MEF2C: variants seen among roughly 807,000 people sequenced by gnomAD.
MEF2C encodes the protein myocyte enhancer factor 2C.
Under a neutral mutation model 50.5 loss-of-function variants are expected in MEF2C, and 6 were observed. That is an observed-to-expected ratio of 0.12 (90% CI 0.07 to 0.23). The LOEUF (loss-of-function observed/expected upper bound fraction) is 0.23, where lower values mean the gene tolerates loss of function less well. Ranked by LOEUF, MEF2C falls within the 10% of genes least tolerant of loss-of-function variation. The pLI is 1.00. For missense variants in MEF2C, 276 were observed against 605.0 expected, an observed-to-expected ratio of 0.46 and a Z score of 5.70; for synonymous variants, 183 against 228.0, an observed-to-expected ratio of 0.80 and a Z score of 1.78.
rs1800485565 is a variant in MEF2C at position 88,806,478 on chromosome 5, C to G, written c.55-1677G>C. On this transcript the variant is annotated intron_variant, in intron 2 of 10. Transcript: ENST00000504921. The stretch of plus-strand genomic sequence containing the variant: ...CCATCTCACCATAAACTCAGTCATC[C>G]AAACTAGAAACCTCAGAGAGAACTC... Among the ~76,000 whole-genome samples the G allele has an allele frequency of 1.3e-5, 2 of 152,074 alleles. 1 individual carries two copies. Among genetic ancestry groups the G allele is most frequent in the South Asian group, 4.1e-4 (2 of 4,826 alleles).
chr5:88,790,013 C>G (rs1792969171), intron 3 of MEF2C, among the ~76,000 whole-genome samples: 1 of 152,220 alleles, frequency 6.6e-6, no homozygotes, highest in Non-Finnish European at 1.5e-5. Flanking sequence ...AATCACATCA[C>G]ACTTCCTGAA....
intron 1 of MEF2C, among the ~76,000 whole-genome samples, chr5:88,859,290 G>A (rs182877263): frequency 4.2e-4 from 64 of 152,292 alleles, no homozygotes; most frequent in Non-Finnish European, 1.5e-4. Context: ...CGGTATTCCT[G>A]GGAACATAAT....
chr5:88,897,581 A>G (rs2150303264), intron 1 of MEF2C, among the ~76,000 whole-genome samples: 1 of 152,314 alleles, frequency 6.6e-6, no homozygotes, highest in East Asian at 1.9e-4. Context: ...ATTATTTAGC[A>G]TCTTAAACTT....
At chr5:88,785,059 T>C (rs1790158539) in intron 3 of MEF2C, among the ~76,000 whole-genome samples, 1 of 152,148 alleles carries the variant, frequency 6.6e-6, no homozygotes, top group African/African-American at 2.4e-5. Flanking sequence ...TTGATTCTTC[T>C]AGCAATGATT....
chr5:88,838,534 A>G, intron 1 of MEF2C: 2 of 983,388 alleles, frequency 2.0e-6, no homozygotes, highest in Non-Finnish European at 2.4e-6. Context: ...ATTTTCACTT[A>G]TGATGAAGTT....
At chr5:88,842,392 T>C (rs931608836) in intron 1 of MEF2C, among the ~76,000 whole-genome samples, 5 of 152,152 alleles carry the variant, frequency 3.3e-5, no homozygotes, top group Non-Finnish European at 2.9e-5. Context: ...ACTTTCATGT[T>C]TTCTGATATT....
Position 88,901,979 on chromosome 5 carries a change from T to C in MEF2C, c.-240+1937A>G, listed in dbSNP as rs567869550. Among the ~76,000 whole-genome samples, 12 of 151,894 alleles carry C rather than the reference T, an allele frequency of 7.9e-5. No individual in the cohort carries two copies. The South Asian group carries it at 2.5e-3, about 32-fold the overall frequency. ...CAATAGTTTGGCAGAAGCTTTTGGT[T>C]TGCTTATACTTAATGACAATGTAAT... On this transcript the variant is annotated intron_variant, in intron 1 of 11. Coordinates refer to the MEF2C transcript ENST00000340208.
At chr5:88,892,136 T>C (rs530539471) in intron 1 of MEF2C, 1 of 152,328 alleles carries the variant, frequency 6.6e-6, no homozygotes, top group Non-Finnish European at 1.5e-5. Context: ...TAAAATCCAG[T>C]ATCCTTAGAG....
intron 2 of MEF2C, among the ~76,000 whole-genome samples, chr5:88,821,250 T>A (rs1180201853): frequency 6.6e-6 from 1 of 151,842 alleles, no homozygotes; most frequent in Non-Finnish European, 1.5e-5. Flanking sequence ...AAGTGCGACA[T>A]TAAGATTCTT....
intron 1 of MEF2C, chr5:88,888,300 G>C (rs181448897): frequency 2.0e-5 from 3 of 152,336 alleles, no homozygotes; most frequent in African/African-American, 7.2e-5. Context: ...ACTGAGGCTA[G>C]TCCCAGAAAG....
rs189369067 is a variant in MEF2C at position 88,842,530 on chromosome 5, T to C, written c.-142-18600A>G. ...ATTAGAAACAGTGCCATTACAAACG[T>C]CAACAATATGGAAAAAAAAAAAGAG... On this transcript the variant is annotated intron_variant, in intron 1 of 10. Coordinates refer to ENST00000504921, the MANE Select transcript of MEF2C (RefSeq NM_002397.5). 2.0e-5 allele frequency among the ~76,000 whole-genome samples: 3 copies of C among 149,734 alleles called. No homozygotes were observed. The East Asian group carries it at 5.9e-4, about 29-fold the overall frequency.
chr5:88,900,279 TTA>T (rs1455766478), intron 1 of MEF2C, among the ~76,000 whole-genome samples: 2 of 151,808 alleles, frequency 1.3e-5, no homozygotes, highest in Non-Finnish European at 2.9e-5. Flanking sequence ...TATAAGATAG[TTA>T]TATATACACA....
intron 8 of MEF2C, chr5:88,729,606 G>A (rs1430523837): frequency 2.4e-6 from 1 of 424,326 alleles, no homozygotes; most frequent in Non-Finnish European, 4.3e-6. Context: ...TTTATTATGG[G>A]TAAAAACAGA....
intron 6 of MEF2C, chr5:88,734,701 T>C: frequency 1.0e-6 from 1 of 981,264 alleles, no homozygotes; most frequent in Non-Finnish European, 1.2e-6. Flanking sequence ...GAAAAAAAAG[T>C]AAATATACAT....
chr5:88,832,396 C>T (rs1175472364), intron 1 of MEF2C, among the ~76,000 whole-genome samples: 1 of 151,950 alleles, frequency 6.6e-6, no homozygotes, highest in Non-Finnish European at 1.5e-5. Context: ...TCTAAAAAAG[C>T]AGTACCAAAG....
At chr5:88,890,282 C>T (rs1054774329) in intron 1 of MEF2C, among the ~76,000 whole-genome samples, 3 of 152,138 alleles carry the variant, frequency 2.0e-5, no homozygotes, top group Admixed American at 6.5e-5. Context: ...CCCTTGTACC[C>T]CCTTTATTTG....
At chr5:88,814,526 G>A (rs1330710296) in intron 2 of MEF2C, among the ~76,000 whole-genome samples, 1 of 151,946 alleles carries the variant, frequency 6.6e-6, no homozygotes, top group Non-Finnish European at 1.5e-5. Context: ...AGCAAATTGA[G>A]CCTCCGTTTC....
chr5:88,843,596 AAT>A (rs1050334074), intron 1 of MEF2C: 6 of 322,120 alleles, frequency 1.9e-5, no homozygotes, highest in African/African-American at 1.3e-4. Context: ...TTAACTATGT[AAT>A]ATATATGTTT....
chr5:88,771,429 C>A, intron 3 of MEF2C: 1 of 985,398 alleles, frequency 1.0e-6, no homozygotes, highest in African/African-American at 1.7e-5. Flanking sequence ...CTTGGTGAAG[C>A]TTTTTCCTAA....
Sources: allele counts gnomAD v4.1 joint callset (sites outside exome capture counted in the v4.1 genomes callset), GRCh38; gene constraint gnomAD v4.1.1; transcripts MANE v1.5; gene names NCBI Gene and HGNC (gene_info 2026-07-23, HGNC 2026-07-21).